NUDT19: variants seen among roughly 807,000 people sequenced by gnomAD.
The protein encoded by NUDT19 is acyl-coenzyme A diphosphatase NUDT19.
A neutral mutation model predicts 22.2 loss-of-function variants in NUDT19; 31 were observed. The ratio of observed to expected loss-of-function variants is 1.40; its 90% CI spans 1.05 to 1.89. The LOEUF (loss-of-function observed/expected upper bound fraction) is 1.89, where lower values mean the gene tolerates loss of function less well. Among genes scored for constraint, NUDT19 ranks in the 40% most tolerant of loss-of-function variants. NUDT19 has a pLI of 0.00. For synonymous variants in NUDT19, 325 were observed against 230.8 expected, an observed-to-expected ratio of 1.41 and a Z score of -3.70; for missense variants, 752 against 514.2, an observed-to-expected ratio of 1.46 and a Z score of -4.47.
intron 1 of NUDT19, among the ~76,000 whole-genome samples, chr19:32,708,475 A>G (rs1423214213): frequency 6.6e-6 from 1 of 152,166 alleles, no homozygotes; most frequent in African/African-American, 2.4e-5. Flanking sequence ...TATCCATTGA[A>G]TCAGCTCTTT....
rs1968188307 is a variant in NUDT19, at chr19:32,692,044, G to A, written c.84G>A (p.Glu28=). 1 of 1,277,000 alleles carries A rather than the reference G, an allele frequency of 7.8e-7. No homozygotes were observed. The highest frequency in any genetic ancestry group is 3.2e-5 in the East Asian group (1 of 31,420). The allele number at this position is 1,277,000 out of a possible 1,614,324, so 79.1% of individuals were successfully genotyped here. A position where few individuals can be genotyped will look rare whatever the true frequency, so the allele number is the denominator to read the frequency against. ...TGGCGGCTGGCTGGTCGCGCCCGGAGACCGCCACCCCGCCGTCGCGCCCGC... is the reference window on the plus strand; with the variant it reads ...TGGCGGCTGGCTGGTCGCGCCCGGAAACCGCCACCCCGCCGTCGCGCCCGC... ...IVLAAGWSRP[E]TATPPSRPPP... Residue 28 remains glutamate (E), a synonymous_variant, in exon 1 of 3, where the codon GAG becomes GAA. Coordinates refer to ENST00000397061, the MANE Select transcript of NUDT19 (RefSeq NM_001105570.2).
intron 1 of NUDT19, among the ~76,000 whole-genome samples, chr19:32,702,114 T>C (rs1423588469): frequency 6.6e-6 from 1 of 152,250 alleles, no homozygotes; most frequent in East Asian, 1.9e-4. Context: ...CAGGGCTACT[T>C]ACAGACTCCC....
intron 1 of NUDT19, among the ~76,000 whole-genome samples, chr19:32,701,223 T>G (rs1430657203): frequency 2.1e-5 from 2 of 96,968 alleles, no homozygotes; most frequent in African/African-American, 4.2e-5. Context: ...TTTTTTTTTT[T>G]GAAACAGAGT....
intron 1 of NUDT19, among the ~76,000 whole-genome samples, chr19:32,697,974 TC>T (rs1968285042): frequency 6.6e-6 from 1 of 152,186 alleles, no homozygotes; most frequent in Non-Finnish European, 1.5e-5. Flanking sequence ...GCGTTTGTGA[TC>T]CTTTGGAGAT....
chr19:32,695,683 A>G (rs1306449864), intron 1 of NUDT19, among the ~76,000 whole-genome samples: 1 of 152,028 alleles, frequency 6.6e-6, no homozygotes, highest in Non-Finnish European at 1.5e-5. Context: ...CGGCAGTGTA[A>G]GACTGCCACC....
chr19:32,707,580 C>A (rs1163207012), intron 1 of NUDT19, among the ~76,000 whole-genome samples: 1 of 152,176 alleles, frequency 6.6e-6, no homozygotes, highest in Non-Finnish European at 1.5e-5. Flanking sequence ...CGCGGTGGCT[C>A]ACACCTGTAA....
intron 1 of NUDT19, among the ~76,000 whole-genome samples, chr19:32,699,419 G>A (rs773533397): frequency 5.9e-5 from 9 of 152,166 alleles, no homozygotes; most frequent in South Asian, 4.1e-4. Context: ...TCGGGACCCC[G>A]GAGCTGAATG....
At position 32,711,888 on chromosome 19, in the gene NUDT19, C is replaced by T. The variant is rs1433196235; in HGVS notation, c.1059C>T (p.His353=). ...VTYHRHLYDI[H]VTVQPKYKHV... ...ACCATCGCCACCTTTATGATATCCA[C>T]GTGACTGTTCAGCCAAAGTATAAAC... The change falls in exon 3 of 3, where the codon CAC becomes CAT. Residue 353 remains histidine, a synonymous_variant. Coordinates refer to ENST00000397061, the MANE Select transcript of NUDT19 (RefSeq NM_001105570.2). 5.6e-6 allele frequency: 9 copies of T among 1,613,774 alleles called. No individual in the cohort carries two copies. Among genetic ancestry groups the T allele is most frequent in the Middle Eastern group, 1.6e-4 (1 of 6,084 alleles).
chr19:32,712,019 T>G lies in NUDT19; in HGVS notation c.*62T>G. The G allele has an allele frequency of 9.6e-7, 1 of 1,037,928 alleles. No individual in the cohort carries two copies. Among genetic ancestry groups the G allele is most frequent in the Non-Finnish European group, 1.5e-6 (1 of 666,930 alleles). 64.3% of individuals were successfully genotyped at this position (1,037,928 alleles called of 1,614,324 possible). A position where few individuals can be genotyped will look rare whatever the true frequency, so the allele number is the denominator to read the frequency against. On this transcript the variant is annotated 3_prime_UTR_variant, in exon 3 of 3. Transcript: ENST00000397061. ...GTCCTCATGAATAATGAGGGTTGAC[T>G]TTCATTTGCTTGAAACTTAAGGAAG...
At chr19:32,706,648 A>G (rs538899486) in intron 1 of NUDT19, among the ~76,000 whole-genome samples, 5 of 152,250 alleles carry the variant, frequency 3.3e-5, no homozygotes, top group African/African-American at 1.2e-4. Context: ...ACGCCATTGC[A>G]CTCCAGCCTG....
At chr19:32,695,681 T>C (rs1205105227) in intron 1 of NUDT19, among the ~76,000 whole-genome samples, 1 of 152,222 alleles carries the variant, frequency 6.6e-6, no homozygotes, top group Non-Finnish European at 1.5e-5. Context: ...TTCGGCAGTG[T>C]AAGACTGCCA....
chr19:32,705,678 T>C (rs1482164604), intron 1 of NUDT19, among the ~76,000 whole-genome samples: 1 of 151,308 alleles, frequency 6.6e-6, no homozygotes, highest in Non-Finnish European at 1.5e-5. Flanking sequence ...TCCTCCTCCC[T>C]GGTTCAGGTG....
intron 1 of NUDT19, among the ~76,000 whole-genome samples, chr19:32,703,653 T>C (rs1238213457): frequency 1.9e-5 from 1 of 52,782 alleles, no homozygotes; most frequent in East Asian, 4.8e-4. Flanking sequence ...CCAGCCTTTT[T>C]TTTTTTTTTT....
chr19:32,692,926 G>A (rs527934072), intron 1 of NUDT19, among the ~76,000 whole-genome samples: 3 of 152,252 alleles, frequency 2.0e-5, no homozygotes, highest in Admixed American at 6.5e-5. Flanking sequence ...TTCCTCCAGC[G>A]TGGCCACTGT....
At chr19:32,699,368 T>G (rs1385980850) in intron 1 of NUDT19, among the ~76,000 whole-genome samples, 3 of 152,152 alleles carry the variant, frequency 2.0e-5, no homozygotes, top group Admixed American at 6.5e-5. Flanking sequence ...GACGTGACTT[T>G]CAGAGTTCCA....
chr19:32,696,188 G>T (rs2145357025), intron 1 of NUDT19, among the ~76,000 whole-genome samples: 1 of 152,316 alleles, frequency 6.6e-6, no homozygotes, highest in African/African-American at 2.4e-5. Context: ...GTCACTCAAG[G>T]AGTAGTGCCT....
chr19:32,692,951 A>G (rs754755783), intron 1 of NUDT19, among the ~76,000 whole-genome samples: 2 of 152,252 alleles, frequency 1.3e-5, no homozygotes, highest in African/African-American at 4.8e-5. Flanking sequence ...GCACTTGTAC[A>G]TGTGTAGACA....
intron 1 of NUDT19, among the ~76,000 whole-genome samples, chr19:32,700,228 C>T (rs1351569713): frequency 2.0e-5 from 3 of 152,192 alleles, no homozygotes; most frequent in African/African-American, 7.2e-5. Context: ...TTACAGAGCG[C>T]TGATTGGTCC....
chr19:32,707,015 CTCACCTCCCAT>C (rs1968393759), intron 1 of NUDT19, among the ~76,000 whole-genome samples: 2 of 152,300 alleles, frequency 1.3e-5, no homozygotes, highest in East Asian at 3.9e-4. Flanking sequence ...CATGGTAGGA[CTCACCTCCCAT>C]TGTAGCCTCC....
Sources: gnomAD v4.1 joint callset for allele counts (sites outside exome capture counted in the v4.1 genomes callset) on GRCh38, gnomAD v4.1.1 for gene constraint, MANE v1.5 for transcripts, NCBI Gene and HGNC (gene_info 2026-07-23, HGNC 2026-07-21) for gene names.